The following GRIK1 variants were observed in gnomAD, a reference collection of about 807,000 sequenced individuals.
The protein encoded by GRIK1 is glutamate receptor ionotropic, kainate 1.
GRIK1 carries 69 observed loss-of-function variants against 105.7 expected under a neutral mutation model. That is an observed-to-expected ratio of 0.65 (90% CI 0.54 to 0.80). GRIK1 has a LOEUF of 0.80. Ranked by LOEUF, GRIK1 falls within the 30% of genes least tolerant of loss-of-function variation. The probability of loss-of-function intolerance (pLI) is 0.00; values close to 1 mark genes in which losing one functional copy is unlikely to be tolerated. For synonymous variants in GRIK1, 438 were observed against 431.3 expected (o/e 1.02, Z -0.19); for missense variants, 1,109 against 1,167.3 (o/e 0.95, Z 0.73).
intron 7 of GRIK1, among the ~76,000 whole-genome samples, chr21:29,606,413 A>G (rs1240090624): frequency 1.3e-5 from 2 of 152,090 alleles, no homozygotes; most frequent in East Asian, 3.9e-4. Context: ...TGCATCAGCT[A>G]TTTATCCTGA....
At position 29,537,846 on chromosome 21, in the gene GRIK1, G is replaced by T. The variant is rs775537296; in HGVS notation, c.2646C>A (p.Asn882Lys). 5.3e-6 allele frequency: 8 copies of T among 1,513,384 alleles called. No individual in the cohort carries two copies. The South Asian group carries it at 6.9e-5, about 13-fold the overall frequency. 93.7% of individuals were successfully genotyped at this position (1,513,384 alleles called of 1,614,324 possible). ...KSSRIRFYFRNKVRFHGRKKQ... is the reference protein window; with the variant it reads ...KSSRIRFYFRKKVRFHGRKKQ... ...TTTTTCTCCCATGAAACCTTACTTT[G>T]TTCCTAAAATAAAATCTAATTCTTG... Residue 882 changes from asparagine (N) to lysine (K), a missense_variant, in exon 17 of 18, where the codon AAC (asparagine) becomes AAA (lysine). Coordinates refer to ENST00000327783, the MANE Select transcript of GRIK1 (RefSeq NM_001330994.2).
chr21:29,559,349 C>CA (rs2090336269), intron 15 of GRIK1, among the ~76,000 whole-genome samples: 1 of 152,058 alleles, frequency 6.6e-6, no homozygotes, highest in Non-Finnish European at 1.5e-5. Flanking sequence ...TTTTGAAAGT[C>CA]AAAAAGAGGT....
intron 1 of GRIK1, among the ~76,000 whole-genome samples, chr21:29,768,144 T>C (rs1341436042): frequency 6.6e-6 from 1 of 152,178 alleles, no homozygotes; most frequent in African/African-American, 2.4e-5. Context: ...TTAGGCTGGA[T>C]GACCTCCTTT....
At chr21:29,759,398 G>A (rs950466159) in intron 1 of GRIK1, among the ~76,000 whole-genome samples, 4 of 152,166 alleles carry the variant, frequency 2.6e-5, no homozygotes, top group East Asian at 1.9e-4. Context: ...GATTACAGGC[G>A]TGAGACACCA....
chr21:29,560,574 T>TTCTCTCTCTCTC (rs757906994), intron 15 of GRIK1, among the ~76,000 whole-genome samples: 8 of 124,182 alleles, frequency 6.4e-5, no homozygotes, highest in African/African-American at 3.2e-4. Context: ...CTTTCTTTCT[T>TTCTCTCTCTCTC]TCTCTCTTTC....
chr21:29,551,475 A>G (rs1353523809), intron 16 of GRIK1, among the ~76,000 whole-genome samples: 1 of 152,198 alleles, frequency 6.6e-6, no homozygotes, highest in Non-Finnish European at 1.5e-5. Flanking sequence ...TAAAATCTAT[A>G]ACTACAGGTC....
chr21:29,826,863 T>C (rs1884918400), intron 1 of GRIK1, among the ~76,000 whole-genome samples: 1 of 152,066 alleles, frequency 6.6e-6, no homozygotes, highest in Non-Finnish European at 1.5e-5. Flanking sequence ...ATTTTCAAAG[T>C]ATCAATAGAA....
At chr21:29,932,477 T>C (rs1003765237) in intron 1 of GRIK1, among the ~76,000 whole-genome samples, 42 of 152,244 alleles carry the variant, frequency 2.8e-4, no homozygotes, top group African/African-American at 9.1e-4. Flanking sequence ...TTTTCAGTAG[T>C]TCATAACTGA....
At chr21:29,818,391 A>G (rs1175632503) in intron 1 of GRIK1, among the ~76,000 whole-genome samples, 1 of 152,052 alleles carries the variant, frequency 6.6e-6, no homozygotes. Context: ...ACTCTTCTAG[A>G]TTCTTAGCCC....
At chr21:29,836,788 T>C (rs2067820387) in intron 1 of GRIK1, among the ~76,000 whole-genome samples, 1 of 152,230 alleles carries the variant, frequency 6.6e-6, no homozygotes, top group South Asian at 2.1e-4. Flanking sequence ...CTAAAAAATG[T>C]AATTTCATTG....
At chr21:29,700,185 G>A (rs931006140) in intron 1 of GRIK1, among the ~76,000 whole-genome samples, 17 of 152,230 alleles carry the variant, frequency 1.1e-4, no homozygotes, top group East Asian at 3.9e-4. Context: ...CAGCGAGGAC[G>A]TAGGCAGTTG....
intron 9 of GRIK1, among the ~76,000 whole-genome samples, chr21:29,595,095 A>G (rs60566772): frequency 0.012 from 1,881 of 152,242 alleles, 42 homozygotes; most frequent in African/African-American, 0.043. Flanking sequence ...AGCACACCAC[A>G]GTATATACAA....
At chr21:29,667,446 TA>T (rs531985284) in intron 4 of GRIK1, among the ~76,000 whole-genome samples, 2,745 of 151,404 alleles carry the variant, frequency 0.018, 38 homozygotes, top group Middle Eastern at 0.037. Context: ...GAAAGAGATT[TA>T]AAAAAAAAGT....
At position 29,907,800 on chromosome 21, in the gene GRIK1, A is replaced by T. The variant is rs370655784; in HGVS notation, c.118+31583T>A. Among the ~76,000 whole-genome samples the T allele has an allele frequency of 5.9e-5, 9 of 152,268 alleles. No homozygotes were observed. The East Asian group carries it at 1.5e-3, about 26-fold the overall frequency. On this transcript the variant is annotated intron_variant, in intron 1 of 17. Transcript: ENST00000327783. The stretch of plus-strand genomic sequence containing the variant: ...AAAAAACATAGGTGCAAAAAAGAGC[A>T]ATTTAGTGTATAATCGTGCTAACTT...
chr21:29,664,316 C>T (rs999508645), intron 4 of GRIK1, among the ~76,000 whole-genome samples: 8 of 152,024 alleles, frequency 5.3e-5, no homozygotes, highest in Non-Finnish European at 7.4e-5. Context: ...TTGTATCACA[C>T]CTGTAGTTTT....
At chr21:29,560,502 T>A (rs1294712912) in intron 15 of GRIK1, among the ~76,000 whole-genome samples, 2 of 19,174 alleles carry the variant, frequency 1.0e-4, no homozygotes, top group Non-Finnish European at 1.9e-4. Context: ...TTTCTTTCCT[T>A]CCTTCCTTCC....
intron 1 of GRIK1, among the ~76,000 whole-genome samples, chr21:29,717,970 A>T (rs545430847): frequency 9.9e-5 from 15 of 152,184 alleles, no homozygotes; most frequent in African/African-American, 3.4e-4. Context: ...CTATGCTGTT[A>T]TCATGTTAGT....
At chr21:29,793,003 CCCTGTGTCAATTAATGCACCTTCATTGCA>C (rs1021828304) in intron 1 of GRIK1, among the ~76,000 whole-genome samples, 22 of 152,274 alleles carry the variant, frequency 1.4e-4, no homozygotes, top group African/African-American at 4.6e-4. Flanking sequence ...TTTTCTACTA[CCCTGTGTCAATTAATGCACCTTCATTGCA>C]CGTGAGCAAA....
At chr21:29,909,379 A>G (rs1449204690) in intron 1 of GRIK1, among the ~76,000 whole-genome samples, 1 of 151,942 alleles carries the variant, frequency 6.6e-6, no homozygotes, top group East Asian at 1.9e-4. Context: ...AGCAAAACAT[A>G]AGTAAAATTT....
Sources: gnomAD v4.1 joint callset for allele counts (sites outside exome capture counted in the v4.1 genomes callset) on GRCh38, gnomAD v4.1.1 for gene constraint, MANE v1.5 for transcripts, NCBI Gene and HGNC (gene_info 2026-07-23, HGNC 2026-07-21) for gene names.